HESX1: variants seen among roughly 807,000 people sequenced by gnomAD.
HESX1 encodes HESX homeobox 1.
A neutral mutation model predicts 22.5 loss-of-function variants in HESX1; 11 were observed. That is an observed-to-expected ratio of 0.49 (90% CI 0.31 to 0.81). HESX1 has a LOEUF of 0.81. Among genes scored for constraint, HESX1 ranks in the 30% least tolerant of loss-of-function variants. HESX1 has a pLI of 0.05. For missense variants in HESX1, 201 were observed against 212.6 expected (o/e 0.95, Z 0.34); for synonymous variants, 74 against 76.5 (o/e 0.97, Z 0.17).
At chr3:57,201,174 A>G (rs2060483317), upstream of HESX1, among the ~76,000 whole-genome samples, 1 of 152,232 alleles carries the variant, frequency 6.6e-6, no homozygotes, top group South Asian at 2.1e-4. Context: ...ATCAGCTTTT[A>G]TCCTATTATG....
chr3:57,198,594 CT>C, intron 2 of HESX1, 102 bp from the exon 3 acceptor site: 1 of 1,034,278 alleles, frequency 9.7e-7, no homozygotes, highest in Non-Finnish European at 1.5e-6. Context: ...ATCTGGATGC[CT>C]TTTTAAAAAT....
At chr3:57,206,233 G>A (rs1283084342) in intron 1 of HESX1, among the ~76,000 whole-genome samples, 1 of 152,100 alleles carries the variant, frequency 6.6e-6, no homozygotes, top group Non-Finnish European at 1.5e-5. Context: ...ACAGTGCTTA[G>A]CTCATACTAG....
chr3:57,222,549 G>A (rs879468528), intron 1 of HESX1, among the ~76,000 whole-genome samples: 8 of 151,972 alleles, frequency 5.3e-5, no homozygotes, highest in African/African-American at 1.2e-4. Context: ...GTGAGCCACC[G>A]CCCCCAGCCT....
At position 57,199,929 on chromosome 3, in the gene HESX1, T is replaced by A. The variant is rs777690274; in HGVS notation, c.-11A>T. On this transcript the variant is annotated 5_prime_UTR_variant, in exon 1 of 4. Coordinates refer to ENST00000295934, the MANE Select transcript of HESX1 (RefSeq NM_003865.3). ...AAGGCTGGGAGACATCCTCTCGTGG[T>A]CTGCACAGAGCAACAGCTCTGGCCT... is the stretch of plus-strand genomic sequence containing the variant. The A allele has an allele frequency of 8.7e-6, 14 of 1,613,448 alleles. No individual in the cohort carries two copies. In the South Asian group the frequency reaches 1.5e-4, roughly 18 times the overall value.
rs775835444 is a variant in HESX1, at chr3:57,199,886, G to A, written c.33C>T (p.Leu11=). 5.6e-5 allele frequency: 90 copies of A among 1,613,868 alleles called. No individual in the cohort carries two copies. The highest frequency in any genetic ancestry group is 8.3e-5 in the Admixed American group (5 of 59,978). Residue 11 remains leucine, a synonymous_variant, in exon 1 of 4, where the codon CTC becomes CTT. Transcript: ENST00000295934. ...AGCAAGTTGAGGGTTTGTTTTCCCC[G>A]AGCTGAGCGCCTTCCTGAAGGCTGG... is the stretch of plus-strand genomic sequence containing the variant. MSPSLQEGAQ[L]GENKPSTCSF... is the part of the protein sequence containing the mutation.
At chr3:57,204,698 C>T (rs1188272680), upstream of HESX1, among the ~76,000 whole-genome samples, 1 of 151,666 alleles carries the variant, frequency 6.6e-6, no homozygotes, top group Non-Finnish European at 1.5e-5. Context: ...CTTTGGGAGG[C>T]TGAGGTAGGA....
intron 1 of HESX1, among the ~76,000 whole-genome samples, chr3:57,205,483 C>T (rs1019605736): frequency 6.6e-6 from 1 of 152,160 alleles, no homozygotes; most frequent in East Asian, 1.9e-4. Context: ...CCTACATGAC[C>T]TGCCAGCCTT....
At chr3:57,202,404 C>T (rs551498863), upstream of HESX1, among the ~76,000 whole-genome samples, 3 of 152,122 alleles carry the variant, frequency 2.0e-5, no homozygotes, top group East Asian at 1.9e-4. Context: ...GGCGTGATCT[C>T]GGCTCACTGC....
At chr3:57,210,718 T>A (rs1240366755) in intron 1 of HESX1, among the ~76,000 whole-genome samples, 1 of 152,210 alleles carries the variant, frequency 6.6e-6, no homozygotes, top group Non-Finnish European at 1.5e-5. Context: ...ATTTGAAACC[T>A]GACATGCAAC....
Position 57,198,305 on chromosome 3 carries a change from A to G in HESX1, c.460-10T>C. The G allele has an allele frequency of 1.2e-6, 2 of 1,603,396 alleles. No individual in the cohort carries two copies. The highest frequency in any genetic ancestry group is 1.1e-5 in the South Asian group (1 of 90,784). ...GATTTTGAAACCAAATCTAAAGTTA[A>G]GGAAAAATAAAATAGGTCTCAGAAA... On this transcript the variant is annotated splice_polypyrimidine_tract_variant and intron_variant, in intron 3 of 3. Transcript: ENST00000295934.
upstream of HESX1, among the ~76,000 whole-genome samples, chr3:57,202,460 T>C (rs571648392): frequency 6.6e-5 from 10 of 152,166 alleles, no homozygotes; most frequent in African/African-American, 1.9e-4. Context: ...CTTAGCCTCC[T>C]GAGTAGCTGG....
At chr3:57,220,320 TA>T (rs2060608775) in intron 1 of HESX1, among the ~76,000 whole-genome samples, 1 of 152,244 alleles carries the variant, frequency 6.6e-6, no homozygotes. Flanking sequence ...GTCCTGTTTA[TA>T]GTGAATGTGA....
upstream of HESX1, among the ~76,000 whole-genome samples, chr3:57,200,989 TA>T (rs1201904644): frequency 6.6e-6 from 1 of 152,212 alleles, no homozygotes; most frequent in African/African-American, 2.4e-5. Context: ...CCCGCAAAGG[TA>T]TACTTGTAGT....
chr3:57,211,284 T>G (rs1238492273), intron 1 of HESX1, among the ~76,000 whole-genome samples: 1 of 151,642 alleles, frequency 6.6e-6, no homozygotes, highest in Admixed American at 6.6e-5. Flanking sequence ...TCCAAGCACT[T>G]TGGGAAGCCA....
At chr3:57,201,865 C>CTA (rs549269985), upstream of HESX1, among the ~76,000 whole-genome samples, 153 of 96,604 alleles carry the variant, frequency 1.6e-3, 2 homozygotes, top group Admixed American at 4.1e-3. Context: ...ATATCTATAT[C>CTA]TATCTATCTA....
chr3:57,222,126 AGT>A (rs539172458), intron 1 of HESX1, among the ~76,000 whole-genome samples: 1,708 of 152,256 alleles, frequency 0.011, 30 homozygotes, highest in African/African-American at 0.039. Flanking sequence ...TATCCCTGAG[AGT>A]CTTATTTGTA....
intron 1 of HESX1, 100 bp downstream of exon 1, chr3:57,199,662 T>G: frequency 1.3e-6 from 1 of 785,122 alleles, no homozygotes; most frequent in Non-Finnish European, 1.9e-6. Context: ...TAAATTAAAT[T>G]AAAGTCCTAA....
At chr3:57,217,125 G>C (rs920881264) in intron 1 of HESX1, among the ~76,000 whole-genome samples, 1 of 152,150 alleles carries the variant, frequency 6.6e-6, no homozygotes, top group East Asian at 1.9e-4. Context: ...ATTCCTCCAA[G>C]GAGCCCTCCA....
At chr3:57,219,955 G>T (rs1239278647) in intron 1 of HESX1, among the ~76,000 whole-genome samples, 1 of 152,130 alleles carries the variant, frequency 6.6e-6, no homozygotes, top group Non-Finnish European at 1.5e-5. Context: ...TTTTCTTCCA[G>T]GGTTTTTGTA....
Sources: gnomAD v4.1 joint callset for allele counts (sites outside exome capture counted in the v4.1 genomes callset) on GRCh38, gnomAD v4.1.1 for gene constraint, MANE v1.5 for transcripts, NCBI Gene and HGNC (gene_info 2026-07-23, HGNC 2026-07-21) for gene names.